Variants in EPHA6 observed in about 807,000 individuals in gnomAD.
EPHA6 encodes ephrin type-A receptor 6.
Under a neutral mutation model 112.0 loss-of-function variants are expected in EPHA6, and 50 were observed. The observed-to-expected ratio is 0.45, with a 90% CI of 0.36 to 0.56. The LOEUF (loss-of-function observed/expected upper bound fraction) is 0.56, where lower values mean the gene tolerates loss of function less well. Among genes scored for constraint, EPHA6 ranks in the 20% least tolerant of loss-of-function variants. The pLI, the probability that EPHA6 is intolerant of heterozygous loss-of-function variation, is 0.00. For synonymous variants in EPHA6, 529 were observed against 490.7 expected, an observed-to-expected ratio of 1.08 and a Z score of -1.03; for missense variants, 1,280 against 1,417.4, an observed-to-expected ratio of 0.90 and a Z score of 1.56.
intron 6 of EPHA6, among the ~76,000 whole-genome samples, chr3:97,431,342 A>G (rs1199554891): frequency 6.6e-6 from 1 of 152,188 alleles, no homozygotes; most frequent in Non-Finnish European, 1.5e-5. Context: ...CAAAAATATC[A>G]TAAGTCTATA....
chr3:97,641,675 T>G (rs1364497306), intron 14 of EPHA6, among the ~76,000 whole-genome samples: 1 of 152,024 alleles, frequency 6.6e-6, no homozygotes, highest in Non-Finnish European at 1.5e-5. Flanking sequence ...AAGAAAGGGG[T>G]GACGGACGCA....
At chr3:97,322,164 T>A (rs538902793) in intron 5 of EPHA6, among the ~76,000 whole-genome samples, 2 of 152,182 alleles carry the variant, frequency 1.3e-5, no homozygotes, top group South Asian at 4.2e-4. Context: ...TGTCATTAGT[T>A]AAGTAAAATT....
intron 6 of EPHA6, among the ~76,000 whole-genome samples, chr3:97,409,703 G>A (rs1307073273): frequency 6.6e-6 from 1 of 152,012 alleles, no homozygotes; most frequent in Non-Finnish European, 1.5e-5. Flanking sequence ...AGCTCATTTT[G>A]CAAACATGAA....
At chr3:97,183,829 G>A (rs1024612751) in intron 3 of EPHA6, among the ~76,000 whole-genome samples, 6 of 151,894 alleles carry the variant, frequency 4.0e-5, no homozygotes, top group South Asian at 2.1e-4. Flanking sequence ...TTAACCAATC[G>A]ATGTCTAAGG....
intron 14 of EPHA6, among the ~76,000 whole-genome samples, chr3:97,672,477 A>G (rs1344650982): frequency 6.6e-6 from 1 of 151,982 alleles, no homozygotes; most frequent in African/African-American, 2.4e-5. Flanking sequence ...AGGTGGGGAG[A>G]GGAGTTAGGG....
chr3:97,083,880 A>C, intron 3 of EPHA6, among the ~76,000 whole-genome samples: 1 of 151,616 alleles, frequency 6.6e-6, no homozygotes. Flanking sequence ...TTGTATATAC[A>C]TACATGAAAT....
At chr3:97,148,143 C>T (rs1430100546) in intron 3 of EPHA6, among the ~76,000 whole-genome samples, 1 of 152,030 alleles carries the variant, frequency 6.6e-6, no homozygotes. Flanking sequence ...CACCCAGAGA[C>T]ACTTGTAATG....
chr3:97,749,013 A>G lies in EPHA6; in HGVS notation c.*312A>G. 3.1e-6 allele frequency: 1 copy of G among 318,660 alleles called. No individual in the cohort carries two copies. Among genetic ancestry groups the G allele is most frequent in the South Asian group, 7.2e-5 (1 of 13,938 alleles). The allele number at this position is 318,660 out of a possible 1,614,324, so 19.7% of individuals were successfully genotyped here. On this transcript the variant is annotated 3_prime_UTR_variant, in exon 18 of 18. Coordinates refer to ENST00000389672, the MANE Select transcript of EPHA6 (RefSeq NM_001080448.3). Reference sequence around the variant, plus strand: ...GGGAAGTGTTCACGGACTTAACCTAAAAAAATTTATCCAGGTGGGGCTTCC... The same window carrying G: ...GGGAAGTGTTCACGGACTTAACCTAGAAAAATTTATCCAGGTGGGGCTTCC...
chr3:97,523,465 T>G (rs2107624749), intron 10 of EPHA6, among the ~76,000 whole-genome samples: 1 of 152,226 alleles, frequency 6.6e-6, no homozygotes, highest in East Asian at 1.9e-4. Flanking sequence ...TGTAGAATGT[T>G]CTGTGTGCAC....
intron 5 of EPHA6, among the ~76,000 whole-genome samples, chr3:97,338,099 T>C (rs2083143646): frequency 6.6e-6 from 1 of 152,064 alleles, no homozygotes; most frequent in Non-Finnish European, 1.5e-5. Context: ...TGTGCGTGTG[T>C]GTGTGTGTGT....
chr3:97,331,496 C>T (rs147834733), intron 5 of EPHA6, among the ~76,000 whole-genome samples: 2,961 of 151,922 alleles, frequency 0.019, 80 homozygotes, highest in African/African-American at 0.066. Context: ...ATTGATAGAC[C>T]GCTAGCAAGA....
chr3:97,744,357 G>T (rs1378538375), intron 16 of EPHA6, among the ~76,000 whole-genome samples: 3 of 151,936 alleles, frequency 2.0e-5, no homozygotes, highest in Non-Finnish European at 2.9e-5. Context: ...ATAAGAAAGG[G>T]CATTTATTGT....
chr3:97,383,450 C>T (rs189894615), intron 5 of EPHA6, among the ~76,000 whole-genome samples: 251 of 152,052 alleles, frequency 1.7e-3, no homozygotes, highest in Middle Eastern at 3.4e-3. Context: ...GCCCTGAAAA[C>T]GAAATTCCAG....
intron 2 of EPHA6, among the ~76,000 whole-genome samples, chr3:96,959,617 T>G (rs1376254920): frequency 6.6e-6 from 1 of 152,172 alleles, no homozygotes; most frequent in Non-Finnish European, 1.5e-5. Flanking sequence ...TTTTAAGATT[T>G]TTATAGTTTA....
intron 11 of EPHA6, among the ~76,000 whole-genome samples, chr3:97,592,410 A>T (rs1268708842): frequency 6.6e-6 from 1 of 152,152 alleles, no homozygotes; most frequent in Non-Finnish European, 1.5e-5. Context: ...CTTTAATTGT[A>T]ACTAGTTGAG....
At chr3:97,601,713 G>T (rs1313980781) in intron 12 of EPHA6, among the ~76,000 whole-genome samples, 2 of 151,930 alleles carry the variant, frequency 1.3e-5, no homozygotes, top group South Asian at 4.2e-4. Context: ...CATTGGGGGT[G>T]GGGGGAAGGA....
chr3:97,078,601 C>G (rs144965111), intron 3 of EPHA6, among the ~76,000 whole-genome samples: 2,050 of 152,204 alleles, frequency 0.013, 43 homozygotes, highest in African/African-American at 0.044. Context: ...CCAGTTTCAG[C>G]TTTCTACATA....
intron 3 of EPHA6, among the ~76,000 whole-genome samples, chr3:97,218,789 TAACCCAA>T (rs1004561964): frequency 6.6e-6 from 1 of 152,164 alleles, no homozygotes; most frequent in African/African-American, 2.4e-5. Flanking sequence ...ATTCCAGCAT[TAACCCAA>T]AATTCCAAGT....
chr3:97,313,330 T>C (rs1576922966), intron 5 of EPHA6, among the ~76,000 whole-genome samples: 1 of 151,560 alleles, frequency 6.6e-6, no homozygotes, highest in East Asian at 1.9e-4. Flanking sequence ...CTGGTTATTA[T>C]GAATAATGCT....
Sources: allele counts gnomAD v4.1 joint callset (sites outside exome capture counted in the v4.1 genomes callset), GRCh38; gene constraint gnomAD v4.1.1; transcripts MANE v1.5; gene names NCBI Gene and HGNC (gene_info 2026-07-23, HGNC 2026-07-21).